FHIT: variants seen among roughly 807,000 people sequenced by gnomAD.
FHIT encodes bis(5'-adenosyl)-triphosphatase.
A neutral mutation model predicts 17.9 loss-of-function variants in FHIT; 19 were observed. The ratio of observed to expected loss-of-function variants is 1.06; its 90% CI spans 0.74 to 1.56. The LOEUF (loss-of-function observed/expected upper bound fraction) is 1.56, where lower values mean the gene tolerates loss of function less well. FHIT is among the 40% of genes most tolerant of loss of function. The pLI, the probability that FHIT is intolerant of heterozygous loss-of-function variation, is 0.00. For synonymous variants in FHIT, 81 were observed against 69.7 expected, an observed-to-expected ratio of 1.16 and a Z score of -0.81; for missense variants, 248 against 189.2, an observed-to-expected ratio of 1.31 and a Z score of -1.82.
rs1332640134 is a variant in FHIT at position 61,007,973 on chromosome 3, CT to C, written c.-111+34073del. On this transcript the variant is annotated intron_variant, in intron 3 of 9. Transcript: ENST00000492590. ...AACTGACCCTGTAGTATGTTTCATG[CT>C]CCCAAGACTCCCCATGTGATCAGGT... Among the ~76,000 whole-genome samples, 4 of 152,144 alleles carry C rather than the reference CT, an allele frequency of 2.6e-5. No homozygotes were observed. The East Asian group carries it at 7.7e-4, about 29-fold the overall frequency.
chr3:60,170,250 C>T (rs1701357889), intron 5 of FHIT, among the ~76,000 whole-genome samples: 1 of 152,104 alleles, frequency 6.6e-6, no homozygotes, highest in Admixed American at 6.5e-5. Flanking sequence ...CTGTCCTTAT[C>T]ACCATACAAA....
intron 5 of FHIT, among the ~76,000 whole-genome samples, chr3:60,090,361 A>C (rs1029242007): frequency 2.0e-5 from 3 of 152,152 alleles, no homozygotes; most frequent in African/African-American, 7.2e-5. Flanking sequence ...GGGAATACTA[A>C]ATAAGCCCTA....
At chr3:60,229,661 G>C (rs1704395981) in intron 5 of FHIT, among the ~76,000 whole-genome samples, 1 of 152,144 alleles carries the variant, frequency 6.6e-6, no homozygotes, top group South Asian at 2.1e-4. Context: ...ACATTATGTA[G>C]ATGAACTTTT....
intron 2 of FHIT, among the ~76,000 whole-genome samples, chr3:61,114,932 A>G (rs113693480): frequency 8.5e-5 from 13 of 152,284 alleles, no homozygotes; most frequent in African/African-American, 2.9e-4. Context: ...AATACCCAAC[A>G]TCATTTGATC....
intron 8 of FHIT, among the ~76,000 whole-genome samples, chr3:59,835,733 T>A (rs1024359235): frequency 2.0e-5 from 3 of 152,188 alleles, no homozygotes; most frequent in Admixed American, 6.6e-5. Context: ...AGACTCTCTT[T>A]GAGGTGTGTT....
intron 8 of FHIT, among the ~76,000 whole-genome samples, chr3:59,920,778 A>G (rs1303018666): frequency 6.6e-6 from 1 of 152,222 alleles, no homozygotes; most frequent in Non-Finnish European, 1.5e-5. Flanking sequence ...TAATTACTCT[A>G]TAATTCTGAT....
chr3:61,127,994 A>C (rs999124563), intron 2 of FHIT, among the ~76,000 whole-genome samples: 1 of 152,250 alleles, frequency 6.6e-6, no homozygotes, highest in Non-Finnish European at 1.5e-5. Flanking sequence ...GAAAGTATTA[A>C]ACGGGTAAAA....
chr3:60,765,477 A>G (rs1699818553), intron 4 of FHIT: 1 of 152,174 alleles, frequency 6.6e-6, no homozygotes, highest in Non-Finnish European at 1.5e-5. Flanking sequence ...AATAGTGGGT[A>G]AGGTTAGGGG....
chr3:59,939,057 T>A (rs1706380551), intron 7 of FHIT, among the ~76,000 whole-genome samples: 1 of 152,076 alleles, frequency 6.6e-6, no homozygotes. Context: ...GCTAAAGCAA[T>A]AACAATAAAA....
chr3:59,805,475 G>T (rs1436417228), intron 8 of FHIT, among the ~76,000 whole-genome samples: 1 of 152,092 alleles, frequency 6.6e-6, no homozygotes, highest in Non-Finnish European at 1.5e-5. Flanking sequence ...CATTGGAGAG[G>T]TGCCCTGAAG....
intron 7 of FHIT, among the ~76,000 whole-genome samples, chr3:60,008,016 G>A (rs1008933703): frequency 2.0e-5 from 3 of 152,138 alleles, no homozygotes; most frequent in African/African-American, 7.2e-5. Context: ...GGGGTAGCGT[G>A]TCCTGAGACC....
chr3:60,200,873 C>T (rs1024040172), intron 5 of FHIT, among the ~76,000 whole-genome samples: 3 of 152,142 alleles, frequency 2.0e-5, no homozygotes, highest in Non-Finnish European at 4.4e-5. Flanking sequence ...CCCAAGATGT[C>T]TTTCTTTACT....
intron 4 of FHIT, among the ~76,000 whole-genome samples, chr3:60,798,752 C>CTTTTTTTTTTTTTTTTTT (rs35159710): frequency 1.9e-5 from 2 of 105,472 alleles, no homozygotes; most frequent in African/African-American, 3.5e-5. Flanking sequence ...ACTGCAATAG[C>CTTTTTTTTTTTTTTTTTT]TTTTTTTTTT....
chr3:60,226,540 T>C (rs1243286263), intron 5 of FHIT, among the ~76,000 whole-genome samples: 1 of 150,880 alleles, frequency 6.6e-6, no homozygotes, highest in Non-Finnish European at 1.5e-5. Flanking sequence ...ATCCCTCTCC[T>C]TTACCCTAAG....
intron 7 of FHIT, among the ~76,000 whole-genome samples, chr3:59,950,471 A>T (rs78392064): frequency 0.01 from 1,563 of 152,284 alleles, 28 homozygotes; most frequent in African/African-American, 0.035. Flanking sequence ...CGATCCTCCA[A>T]TTGAAACTAT....
rs144518379 is a variant in FHIT at position 60,854,930 on chromosome 3, T to C, written c.-110-32919A>G. ...AATGCCTACCATACACAAGTATTTG[T>C]GGTGAGCAGACATGGCTAAGTGCCT... On this transcript the variant is annotated intron_variant, in intron 3 of 9. Transcript: ENST00000492590. 4.6e-4 allele frequency among the ~76,000 whole-genome samples: 70 copies of C among 152,224 alleles called. 1 individual carries two copies. The East Asian group carries it at 0.013, about 28-fold the overall frequency.
At chr3:60,421,668 ACCACC>A (rs1702473368) in intron 5 of FHIT, among the ~76,000 whole-genome samples, 1 of 152,128 alleles carries the variant, frequency 6.6e-6, no homozygotes, top group Non-Finnish European at 1.5e-5. Context: ...AAATCTCAGT[ACCACC>A]CAGAAAAATT....
chr3:59,804,135 G>A (rs1056803989), intron 8 of FHIT, among the ~76,000 whole-genome samples: 2 of 152,162 alleles, frequency 1.3e-5, no homozygotes, highest in South Asian at 2.1e-4. Flanking sequence ...GCAACATCTC[G>A]CAGAGCGACC....
chr3:60,187,526 T>C (rs1474316068), intron 5 of FHIT, among the ~76,000 whole-genome samples: 1 of 152,188 alleles, frequency 6.6e-6, no homozygotes. Context: ...CCTATCTTTG[T>C]GTTAATGAGT....
Sources: allele counts gnomAD v4.1 joint callset (sites outside exome capture counted in the v4.1 genomes callset), GRCh38; gene constraint gnomAD v4.1.1; transcripts MANE v1.5; gene names NCBI Gene and HGNC (gene_info 2026-07-23, HGNC 2026-07-21).